DPYD: variants seen among roughly 807,000 people sequenced by gnomAD.
DPYD encodes the protein dihydropyrimidine dehydrogenase.
A neutral mutation model predicts 116.2 loss-of-function variants in DPYD; 109 were observed. That is an observed-to-expected ratio of 0.94 (90% CI 0.80 to 1.10). DPYD has a LOEUF of 1.10. DPYD is among the 50% of genes least tolerant of loss of function. The probability of loss-of-function intolerance (pLI) is 0.00; values close to 1 mark genes in which losing one functional copy is unlikely to be tolerated. For missense variants in DPYD, 1,302 were observed against 1,254.5 expected (o/e 1.04, Z -0.57); for synonymous variants, 440 against 432.0 (o/e 1.02, Z -0.23).
chr1:97,323,967 G>A (rs1348547677), intron 16 of DPYD, among the ~76,000 whole-genome samples: 1 of 151,772 alleles, frequency 6.6e-6, no homozygotes. Flanking sequence ...TCTAGGCCTA[G>A]GCAACTGAAG....
chr1:97,142,352 T>G (rs1654289016), intron 20 of DPYD, among the ~76,000 whole-genome samples: 1 of 152,104 alleles, frequency 6.6e-6, no homozygotes, highest in Non-Finnish European at 1.5e-5. Context: ...ATAGAAAACT[T>G]CATGTAACAT....
At chr1:97,267,989 T>C (rs915467397) in intron 18 of DPYD, among the ~76,000 whole-genome samples, 6 of 152,126 alleles carry the variant, frequency 3.9e-5, no homozygotes, top group Non-Finnish European at 8.8e-5. Flanking sequence ...GAACAAGTTA[T>C]CTACTTCCAA....
chr1:97,276,433 A>G (rs1664931755), intron 18 of DPYD, among the ~76,000 whole-genome samples: 1 of 152,152 alleles, frequency 6.6e-6, no homozygotes, highest in South Asian at 2.1e-4. Context: ...TCCAGAATCT[A>G]TAAGAAACTT....
At chr1:97,832,904 A>C (rs1423625341) in intron 2 of DPYD, among the ~76,000 whole-genome samples, 1 of 141,340 alleles carries the variant, frequency 7.1e-6, no homozygotes, top group African/African-American at 2.7e-5. Flanking sequence ...AATAAAATTC[A>C]CTGAGTTATC....
intron 3 of DPYD, among the ~76,000 whole-genome samples, chr1:97,825,212 T>C (rs986195536): frequency 6.6e-6 from 1 of 152,094 alleles, no homozygotes; most frequent in Non-Finnish European, 1.5e-5. Context: ...TAAAGTGATT[T>C]GTAAACTCGG....
Position 97,639,703 on chromosome 1 carries a change from T to C in DPYD, c.850+39392A>G, listed in dbSNP as rs6666129. On this transcript the variant is annotated intron_variant, in intron 8 of 22. Coordinates refer to ENST00000370192, the MANE Select transcript of DPYD (RefSeq NM_000110.4). ...TCAGCGTTATAAGGGTGTGTGTATG[T>C]GAACTTAATTTCATATAATTGGTAG... Among the ~76,000 whole-genome samples, 485 of 152,280 alleles carry C rather than the reference T, an allele frequency of 3.2e-3. 3 individuals carry two copies. Among genetic ancestry groups the C allele is most frequent in the African/African-American group, 0.011 (455 of 41,568 alleles).
Position 97,740,470 on chromosome 1 carries a change from T to C in DPYD, c.243A>G (p.Lys81=). 1.2e-6 allele frequency: 2 copies of C among 1,612,692 alleles called. No individual in the cohort carries two copies. The highest frequency in any genetic ancestry group is 1.7e-6 in the Non-Finnish European group (2 of 1,179,184). Residue 81 remains lysine (K), a synonymous_variant, in exon 4 of 23, where the codon AAA becomes AAG. Transcript: ENST00000370192. ...TCTTCTGACACGGGGCATCTGCACATTTCAGGCATCTAGGAAATAAAATAA... is the reference window on the plus strand; with the variant it reads ...TCTTCTGACACGGGGCATCTGCACACTTCAGGCATCTAGGAAATAAAATAA... ...GALREAMRCL[K]CADAPCQKSC... is the part of the protein sequence containing the mutation.
At chr1:97,360,966 G>A (rs930693107) in intron 16 of DPYD, among the ~76,000 whole-genome samples, 3 of 152,064 alleles carry the variant, frequency 2.0e-5, no homozygotes, top group Admixed American at 2.0e-4. Context: ...GAGCAGAACT[G>A]AAGGAGATAG....
At chr1:97,721,487 T>C in intron 5 of DPYD, 23 bp downstream of exon 5, 2 of 1,610,178 alleles carry the variant, frequency 1.2e-6, no homozygotes, top group Non-Finnish European at 1.7e-6. Context: ...AGTGGGGGGA[T>C]GTCACGTGTA....
intron 21 of DPYD, among the ~76,000 whole-genome samples, chr1:97,092,255 T>G (rs904369985): frequency 6.6e-6 from 1 of 152,198 alleles, no homozygotes; most frequent in Non-Finnish European, 1.5e-5. Flanking sequence ...TGCCAATGAC[T>G]GCTATAGTAC....
chr1:97,839,297 G>T (rs1413732698), intron 2 of DPYD, among the ~76,000 whole-genome samples: 1 of 152,114 alleles, frequency 6.6e-6, no homozygotes, highest in Non-Finnish European at 1.5e-5. Flanking sequence ...TATAAGAACT[G>T]AATACAAAGT....
chr1:97,687,194 C>T (rs536974643), intron 7 of DPYD, among the ~76,000 whole-genome samples: 1 of 152,162 alleles, frequency 6.6e-6, no homozygotes, highest in South Asian at 2.1e-4. Context: ...CAGCTTGAAC[C>T]CAGGAGGTAG....
At chr1:97,187,768 T>G (rs947989648) in intron 20 of DPYD, among the ~76,000 whole-genome samples, 2 of 152,120 alleles carry the variant, frequency 1.3e-5, no homozygotes, top group African/African-American at 4.8e-5. Context: ...GGTAGAAGTA[T>G]AATTCAATTT....
At chr1:97,608,471 C>G (rs185913208) in intron 8 of DPYD, among the ~76,000 whole-genome samples, 60 of 151,822 alleles carry the variant, frequency 4.0e-4, no homozygotes, top group Non-Finnish European at 7.5e-4. Flanking sequence ...GAAACCAAAA[C>G]CAAATAAAGA....
At chr1:97,751,460 G>GTGTATATATATATATATATA (rs763260651) in intron 3 of DPYD, among the ~76,000 whole-genome samples, 7 of 21,290 alleles carry the variant, frequency 3.3e-4, no homozygotes, top group South Asian at 3.3e-3. Context: ...GTGTGTGTGT[G>GTGTATATATATATATATATA]TATATATATA....
At chr1:97,388,239 A>G (rs1319545664) in intron 14 of DPYD, among the ~76,000 whole-genome samples, 1 of 152,106 alleles carries the variant, frequency 6.6e-6, no homozygotes, top group African/African-American at 2.4e-5. Context: ...AAAGTATTGA[A>G]GAGGTCCAAT....
At chr1:97,751,339 T>A (rs992311976) in intron 3 of DPYD, among the ~76,000 whole-genome samples, 1 of 146,834 alleles carries the variant, frequency 6.8e-6, no homozygotes, top group Non-Finnish European at 1.5e-5. Flanking sequence ...CACACATATA[T>A]CTATACATAT....
chr1:97,343,917 C>G (rs1190241964), intron 16 of DPYD, among the ~76,000 whole-genome samples: 2 of 151,938 alleles, frequency 1.3e-5, no homozygotes, highest in East Asian at 1.9e-4. Context: ...TCATCACTTA[C>G]TACCTATTTA....
intron 13 of DPYD, among the ~76,000 whole-genome samples, chr1:97,458,721 G>A (rs764812406): frequency 6.6e-6 from 1 of 152,152 alleles, no homozygotes; most frequent in Non-Finnish European, 1.5e-5. Context: ...TTCAGCTTTA[G>A]CAATCAAGGA....
Sources: gnomAD v4.1 joint callset for allele counts (sites outside exome capture counted in the v4.1 genomes callset) on GRCh38, gnomAD v4.1.1 for gene constraint, MANE v1.5 for transcripts, NCBI Gene and HGNC (gene_info 2026-07-23, HGNC 2026-07-21) for gene names.